The following ASB2 variants were observed in gnomAD, a reference collection of about 807,000 sequenced individuals.
ASB2 encodes ankyrin repeat and SOCS box protein 2.
A neutral mutation model predicts 62.4 loss-of-function variants in ASB2; 58 were observed. The ratio of observed to expected loss-of-function variants is 0.93; its 90% CI spans 0.75 to 1.16. The LOEUF (loss-of-function observed/expected upper bound fraction) is 1.16, where lower values mean the gene tolerates loss of function less well. Ranked by LOEUF, ASB2 falls within the 50% of genes most tolerant of loss-of-function variation. ASB2 has a pLI of 0.00. For missense variants in ASB2, 928 were observed against 887.9 expected, an observed-to-expected ratio of 1.05 and a Z score of -0.57; for synonymous variants, 386 against 385.3, an observed-to-expected ratio of 1.00 and a Z score of -0.02.
chr14:93,959,465 C>T (rs28626098), intron 2 of ASB2, among the ~76,000 whole-genome samples: 1,986 of 152,282 alleles, frequency 0.013, 39 homozygotes, highest in African/African-American at 0.045. Context: ...GGCTGGGTTT[C>T]GTGCTCTCGC....
At chr14:93,938,976 G>A in intron 8 of ASB2, 132 bp downstream of exon 8, 1 of 794,434 alleles carries the variant, frequency 1.3e-6, no homozygotes, top group Non-Finnish European at 1.8e-6. Flanking sequence ...TTCCCCCGAA[G>A]GGTGTTAATC....
chr14:93,937,241 C>T (rs779360422), intron 9 of ASB2, among the ~76,000 whole-genome samples: 2 of 152,188 alleles, frequency 1.3e-5, no homozygotes, highest in African/African-American at 4.8e-5. Context: ...CTCCCCGGCC[C>T]CGCCCCAGAC....
chr14:93,962,290 AT>A (rs1889440820), intron 2 of ASB2, among the ~76,000 whole-genome samples: 1 of 151,206 alleles, frequency 6.6e-6, no homozygotes, highest in South Asian at 2.1e-4. Flanking sequence ...AATTTTTTGT[AT>A]TTTTAGTAGA....
At position 93,939,719 on chromosome 14, in the gene ASB2, G is replaced by A. The variant is rs1888444038; in HGVS notation, c.1053-47C>T. 4 of 1,336,548 alleles carry A rather than the reference G, an allele frequency of 3.0e-6. No homozygotes were observed. The South Asian group carries it at 6.6e-5, about 22-fold the overall frequency. The allele number at this position is 1,336,548 out of a possible 1,614,324, so 82.8% of individuals were successfully genotyped here. A position where few individuals can be genotyped will look rare whatever the true frequency, so the allele number is the denominator to read the frequency against. On this transcript the variant is annotated intron_variant, in intron 7 of 9. Transcript: ENST00000555019. Reference sequence around the variant, plus strand: ...GCGGGTGAGGGGAGGGTCGGGGTGTGGACGGGTAGGGCCGGCCCCGCCAGC... The same window carrying A: ...GCGGGTGAGGGGAGGGTCGGGGTGTAGACGGGTAGGGCCGGCCCCGCCAGC...
chr14:93,975,290 C>T (rs1240183816), intron 1 of ASB2, among the ~76,000 whole-genome samples: 1 of 152,238 alleles, frequency 6.6e-6, no homozygotes, highest in African/African-American at 2.4e-5. Context: ...TTTACCTGCC[C>T]TCCCTAGGAG....
chr14:93,951,198 G>A lies in ASB2; in HGVS notation c.681C>T (p.His227=). The part of the protein sequence containing the change: ...NAEAVKILVQ[H]NADTNHRCNR... ...TGCAGCGGTGGTTGGTGTCTGCATT[G>A]TGCTGCACCAGAATCTTCACGGCCT... The change falls in exon 6 of 10, where the codon CAC becomes CAT. Residue 227 remains histidine (H), a synonymous_variant. Coordinates refer to ENST00000555019, the MANE Select transcript of ASB2 (RefSeq NM_001202429.2). 1.9e-6 allele frequency: 3 copies of A among 1,611,320 alleles called. No homozygotes were observed. The highest frequency in any genetic ancestry group is 1.7e-6 in the Non-Finnish European group (2 of 1,178,704).
chr14:93,950,231 G>C (rs1399881935), intron 6 of ASB2, among the ~76,000 whole-genome samples: 1 of 152,188 alleles, frequency 6.6e-6, no homozygotes, highest in Non-Finnish European at 1.5e-5. Flanking sequence ...GATTACCTCT[G>C]GCTTCTCTGT....
At chr14:93,958,463 C>T (rs1273321776) in intron 2 of ASB2, among the ~76,000 whole-genome samples, 4 of 152,140 alleles carry the variant, frequency 2.6e-5, no homozygotes, top group African/African-American at 7.2e-5. Flanking sequence ...CTCTCTCCAG[C>T]TCTCCGACCT....
intron 6 of ASB2, among the ~76,000 whole-genome samples, chr14:93,950,190 A>G (rs995590521): frequency 6.6e-6 from 1 of 152,216 alleles, no homozygotes; most frequent in Non-Finnish European, 1.5e-5. Flanking sequence ...CAAGTCCTCA[A>G]CAGATTCCTA....
chr14:93,951,399 G>A (rs1197819195), intron 5 of ASB2, among the ~76,000 whole-genome samples, 155 bp from the exon 6 acceptor site: 1 of 152,240 alleles, frequency 6.6e-6, no homozygotes, highest in Non-Finnish European at 1.5e-5. Flanking sequence ...CCTGGGATAG[G>A]CGACTAAAAG....
intron 2 of ASB2, among the ~76,000 whole-genome samples, chr14:93,959,090 T>C (rs1889321559): frequency 6.6e-6 from 1 of 152,200 alleles, no homozygotes; most frequent in Non-Finnish European, 1.5e-5. Flanking sequence ...CCTGCCACCA[T>C]TGATGGAAGC....
chr14:93,966,088 C>T (rs1889583719), intron 1 of ASB2, among the ~76,000 whole-genome samples: 1 of 152,210 alleles, frequency 6.6e-6, no homozygotes. Context: ...TGGACTTGAC[C>T]CTGGATCCTC....
intron 6 of ASB2, among the ~76,000 whole-genome samples, chr14:93,950,695 G>A (rs1888920156): frequency 6.6e-6 from 1 of 152,182 alleles, no homozygotes; most frequent in Non-Finnish European, 1.5e-5. Context: ...CTGTGCCTCA[G>A]ACTCCTCGTT....
At chr14:93,941,710 G>A (rs1169488702) in intron 7 of ASB2, 6 of 455,970 alleles carry the variant, frequency 1.3e-5, no homozygotes, top group Admixed American at 4.7e-5. Context: ...GGGCTGCCCC[G>A]GGGCCGCTGG....
intron 3 of ASB2, among the ~76,000 whole-genome samples, 156 bp downstream of exon 3, chr14:93,956,610 C>T (rs1360873990): frequency 6.6e-6 from 1 of 152,180 alleles, no homozygotes; most frequent in Non-Finnish European, 1.5e-5. Context: ...AGCAGTGGGG[C>T]CCCAGGGGGG....
At chr14:93,950,659 G>A (rs1191818015) in intron 6 of ASB2, among the ~76,000 whole-genome samples, 1 of 152,176 alleles carries the variant, frequency 6.6e-6, no homozygotes, top group Non-Finnish European at 1.5e-5. Flanking sequence ...TTTGCTATAG[G>A]ACTATAGATA....
Position 93,963,198 on chromosome 14 carries a change from TTTG to T in ASB2, c.206+1133_206+1135del, listed in dbSNP as rs199939343. On this transcript the variant is annotated intron_variant, in intron 2 of 9. Transcript: ENST00000555019. ...GTGACTGCACATCGGAAAAAGTCTG[TTTG>T]TTGTTGTTGTTATTTGAGAAGGAAG... Among the ~76,000 whole-genome samples the T allele has an allele frequency of 7.7e-3, 1,166 of 152,304 alleles. 10 individuals carry two copies. Among genetic ancestry groups the T allele is most frequent in the Middle Eastern group, 0.031 (9 of 294 alleles).
chr14:93,964,276 T>A, intron 2 of ASB2, 58 bp downstream of exon 2: 1 of 1,452,638 alleles, frequency 6.9e-7, no homozygotes. Flanking sequence ...ATTAGGGATC[T>A]ACAGTCTGTG....
At chr14:93,957,141 G>A in intron 2 of ASB2, 1 of 1,343,944 alleles carries the variant, frequency 7.4e-7, no homozygotes, top group Non-Finnish European at 9.5e-7. Flanking sequence ...CCACCCCCCG[G>A]TCCCCCTCCC....
Sources: allele counts gnomAD v4.1 joint callset (sites outside exome capture counted in the v4.1 genomes callset), GRCh38; gene constraint gnomAD v4.1.1; transcripts MANE v1.5; gene names NCBI Gene and HGNC (gene_info 2026-07-23, HGNC 2026-07-21).